Variants in VAV2 observed in about 807,000 individuals in gnomAD.
The protein encoded by VAV2 is vav guanine nucleotide exchange factor 2, also known as guanine nucleotide exchange factor VAV2.
Under a neutral mutation model 132.5 loss-of-function variants are expected in VAV2, and 67 were observed. That is an observed-to-expected ratio of 0.51 (90% CI 0.42 to 0.62). The LOEUF (loss-of-function observed/expected upper bound fraction) is 0.62, where lower values mean the gene tolerates loss of function less well. Among genes scored for constraint, VAV2 ranks in the 20% least tolerant of loss-of-function variants. The pLI is 0.00. For missense variants in VAV2, 938 were observed against 1,153.6 expected (o/e 0.81, Z 2.71); for synonymous variants, 492 against 443.5 (o/e 1.11, Z -1.37).
chr9:133,841,475 G>A (rs531459531), intron 3 of VAV2, among the ~76,000 whole-genome samples: 75 of 152,214 alleles, frequency 4.9e-4, no homozygotes, highest in African/African-American at 1.8e-3. Context: ...CACCACCTCA[G>A]AGCAGGGAAG....
chr9:133,837,560 G>A (rs997849781), intron 3 of VAV2, among the ~76,000 whole-genome samples: 30 of 152,032 alleles, frequency 2.0e-4, no homozygotes, highest in African/African-American at 6.3e-4. Context: ...TTAGCCGGGC[G>A]CGGTGGTGGG....
chr9:133,807,921 TG>T (rs1835214110), intron 7 of VAV2, among the ~76,000 whole-genome samples: 1 of 152,200 alleles, frequency 6.6e-6, no homozygotes, highest in Non-Finnish European at 1.5e-5. Flanking sequence ...TCTCCTCTCC[TG>T]CTCCCCGAGT....
chr9:133,810,211 A>G lies in VAV2; in HGVS notation c.553-6T>C. ...CTCACCTGCATGTATCTAATCTGCA[A>G]GCGTGGAGAAAGAACCAGAAACAGC... On this transcript the variant is annotated splice_region_variant and splice_polypyrimidine_tract_variant and intron_variant, in intron 5 of 29. Transcript: ENST00000371850. 6.2e-7 allele frequency: 1 copy of G among 1,613,458 alleles called. No individual in the cohort carries two copies. The highest frequency in any genetic ancestry group is 1.1e-5 in the South Asian group (1 of 91,064).
In VAV2 at chr9:133,937,351, GTGTGTGTA is replaced by G. The variant is rs1439634589; in HGVS notation, c.321+1744_321+1751del. ...GTGTGAACATGGAAGACGGGTTCAA[GTGTGTGTA>G]TGTGTGTTTGTGTGTGGTGTGTCCA... On this transcript the variant is annotated intron_variant, in intron 2 of 29. Coordinates refer to ENST00000371850, the MANE Select transcript of VAV2 (RefSeq NM_001134398.2). Among the ~76,000 whole-genome samples, 16 of 150,950 alleles carry G rather than the reference GTGTGTGTA, an allele frequency of 1.1e-4. No individual in the cohort carries two copies. The South Asian group carries it at 3.3e-3, about 31-fold the overall frequency.
At chr9:133,887,034 T>TC (rs1838740255) in intron 2 of VAV2, among the ~76,000 whole-genome samples, 1 of 149,672 alleles carries the variant, frequency 6.7e-6, no homozygotes, top group South Asian at 2.1e-4. Context: ...CCTCCTGCTC[T>TC]CCCTCAGCAG....
intron 3 of VAV2, among the ~76,000 whole-genome samples, chr9:133,843,862 T>C (rs540457454): frequency 6.6e-6 from 1 of 152,134 alleles, no homozygotes; most frequent in South Asian, 2.1e-4. Context: ...CTCTGTCCCA[T>C]GGAGTGGCGG....
intron 2 of VAV2, among the ~76,000 whole-genome samples, chr9:133,936,427 G>C (rs1003814703): frequency 3.9e-5 from 6 of 151,936 alleles, no homozygotes; most frequent in Non-Finnish European, 1.5e-5. Flanking sequence ...ATTTTTATTA[G>C]AGACAGGGTT....
chr9:133,801,327 C>T (rs547972005), intron 9 of VAV2, among the ~76,000 whole-genome samples: 4 of 152,240 alleles, frequency 2.6e-5, no homozygotes, highest in Non-Finnish European at 4.4e-5. Flanking sequence ...CACAGAAACA[C>T]CACTGTCACC....
Position 133,806,125 on chromosome 9 carries a change from C to A in VAV2, c.792G>T (p.Val264=), listed in dbSNP as rs140110264. Reference sequence around the variant, plus strand: ...AGACCTTGGCCAGCGTGCTGCCCCCCACCATCACGGACACGTCGATGGCCC... The same window carrying A: ...AGACCTTGGCCAGCGTGCTGCCCCCAACCATCACGGACACGTCGATGGCCC... The part of the protein sequence containing the change: ...FLRAIDVSVM[V]GGSTLAKVFL... The change falls in exon 9 of 30, where the codon GTG becomes GTT. Residue 264 remains valine (V), a synonymous_variant. Transcript: ENST00000371850. The A allele has an allele frequency of 1.2e-6, 2 of 1,613,094 alleles. No homozygotes were observed. The highest frequency in any genetic ancestry group is 1.7e-6 in the Non-Finnish European group (2 of 1,179,988).
At chr9:133,827,177 G>A (rs1294952738) in intron 4 of VAV2, among the ~76,000 whole-genome samples, 1 of 150,898 alleles carries the variant, frequency 6.6e-6, no homozygotes, top group East Asian at 1.9e-4. Context: ...ACCTACCGCT[G>A]CGCCCACTGG....
chr9:133,942,180 A>C (rs1841188903), intron 1 of VAV2, among the ~76,000 whole-genome samples: 1 of 152,216 alleles, frequency 6.6e-6, no homozygotes, highest in Admixed American at 6.5e-5. Flanking sequence ...ATTAGAAGAG[A>C]CACAGAGAGA....
rs1834473501 is a variant in VAV2, at chr9:133,791,818, T to C, written c.1153A>G (p.Lys385Glu). The C allele has an allele frequency of 6.2e-7, 1 of 1,614,086 alleles. No homozygotes were observed. Among genetic ancestry groups the C allele is most frequent in the Admixed American group, 1.7e-5 (1 of 60,004 alleles). ...EVKRDKETLRKISEFQSSIEN... is the reference protein window; with the variant it reads ...EVKRDKETLREISEFQSSIEN... The stretch of plus-strand genomic sequence containing the variant: ...ATAGAACTCTGAAATTCGCTGATTT[T>C]CCTCAAGGTCTCCTTGTCCCGTTTA... Residue 385 changes from lysine (K) to glutamate (E), a missense_variant, in exon 13 of 30, where the codon AAA (lysine) becomes GAA (glutamate). Coordinates refer to ENST00000371850, the MANE Select transcript of VAV2 (RefSeq NM_001134398.2).
At chr9:133,948,375 T>G (rs1841441667) in intron 1 of VAV2, among the ~76,000 whole-genome samples, 1 of 152,182 alleles carries the variant, frequency 6.6e-6, no homozygotes, top group South Asian at 2.1e-4. Context: ...TTCGCCCAGC[T>G]GGGGTGCGGA....
At chr9:133,890,372 G>T (rs1040681983) in intron 2 of VAV2, among the ~76,000 whole-genome samples, 1 of 152,238 alleles carries the variant, frequency 6.6e-6, no homozygotes, top group Non-Finnish European at 1.5e-5. Flanking sequence ...GTGAGTCCAG[G>T]AGTGAGCACG....
At chr9:133,954,453 A>G (rs1340604574) in intron 1 of VAV2, among the ~76,000 whole-genome samples, 1 of 152,256 alleles carries the variant, frequency 6.6e-6, no homozygotes, top group Non-Finnish European at 1.5e-5. Flanking sequence ...AAAGGACCCA[A>G]AGTACTCAGT....
chr9:133,854,457 G>C (rs576700885), intron 3 of VAV2, among the ~76,000 whole-genome samples: 23 of 152,246 alleles, frequency 1.5e-4, no homozygotes, highest in Non-Finnish European at 2.9e-4. Context: ...ATGAGGCAGT[G>C]ACCATGCCAG....
rs779950489 is a variant in VAV2, at chr9:133,783,604, G to A, written c.1635-13C>T. ...GTAGAAGGTGCCCCTGCACAGGGGA[G>A]GGCAGGAGGTGAGGTCGAGGCTGGG... is the stretch of plus-strand genomic sequence containing the variant. On this transcript the variant is annotated splice_polypyrimidine_tract_variant and intron_variant, in intron 18 of 29. Coordinates refer to ENST00000371850, the MANE Select transcript of VAV2 (RefSeq NM_001134398.2). 3.7e-6 allele frequency: 6 copies of A among 1,613,668 alleles called. No homozygotes were observed. The highest frequency in any genetic ancestry group is 4.2e-6 in the Non-Finnish European group (5 of 1,179,766).
chr9:133,835,861 C>G (rs763686290), intron 3 of VAV2, among the ~76,000 whole-genome samples: 1 of 152,176 alleles, frequency 6.6e-6, no homozygotes, highest in Non-Finnish European at 1.5e-5. Flanking sequence ...CATTGGTCAG[C>G]GTGCCCCTGT....
intron 2 of VAV2, among the ~76,000 whole-genome samples, chr9:133,917,441 CTTT>C (rs56141918): frequency 3.7e-4 from 49 of 132,586 alleles, no homozygotes; most frequent in African/African-American, 1.3e-3. Flanking sequence ...AAAACTCTTT[CTTT>C]TTTTTTTTTT....
Sources: allele counts gnomAD v4.1 joint callset (sites outside exome capture counted in the v4.1 genomes callset), GRCh38; gene constraint gnomAD v4.1.1; transcripts MANE v1.5; gene names NCBI Gene and HGNC (gene_info 2026-07-23, HGNC 2026-07-21).